Variants in DLG2 observed in about 807,000 individuals in gnomAD.
DLG2 encodes discs large MAGUK scaffold protein 2, also known as disks large homolog 2.
DLG2 carries 45 observed loss-of-function variants against 132.5 expected under a neutral mutation model. That is an observed-to-expected ratio of 0.34 (90% CI 0.27 to 0.44). DLG2 has a LOEUF of 0.44. Among genes scored for constraint, DLG2 ranks in the 20% least tolerant of loss-of-function variants. DLG2 has a pLI of 1.00. For synonymous variants in DLG2, 424 were observed against 419.6 expected (o/e 1.01, Z -0.13); for missense variants, 1,045 against 1,196.9 (o/e 0.87, Z 1.87).
intron 16 of DLG2, among the ~76,000 whole-genome samples, chr11:83,838,729 G>A (rs972106107): frequency 6.6e-6 from 1 of 152,020 alleles, no homozygotes; most frequent in African/African-American, 2.4e-5. Context: ...TTCTTTAGAA[G>A]GGTCATTCAT....
At position 83,849,303 on chromosome 11, in the gene DLG2, A is replaced by G. The variant is rs1565329162; in HGVS notation, c.1566-15533T>C. 9.5e-5 allele frequency among the ~76,000 whole-genome samples: 12 copies of G among 125,934 alleles called. No homozygotes were observed. The Admixed American group carries it at 9.8e-4, about 10-fold the overall frequency. The allele number at this position is 125,934 out of a possible 152,430, so 82.6% of individuals were successfully genotyped here. A position where few individuals can be genotyped will look rare whatever the true frequency, so the allele number is the denominator to read the frequency against. On this transcript the variant is annotated intron_variant, in intron 16 of 27. Coordinates refer to ENST00000376104, the MANE Select transcript of DLG2 (RefSeq NM_001142699.3). ...TAATAAATAAGGGAGATAAATAAAT[A>G]TAAATAAATAATATATATAATAAAT...
At chr11:84,204,395 C>T (rs1458190395) in intron 8 of DLG2, among the ~76,000 whole-genome samples, 1 of 152,074 alleles carries the variant, frequency 6.6e-6, no homozygotes, top group East Asian at 1.9e-4. Context: ...TTCATCTAAA[C>T]TGTAATAGGT....
At position 83,833,685 on chromosome 11, in the gene DLG2, C is replaced by G. The variant is rs376761080; in HGVS notation, c.1651G>C (p.Val551Leu). 1 of 1,613,974 alleles carries G rather than the reference C, an allele frequency of 6.2e-7. No homozygotes were observed. Among genetic ancestry groups the G allele is most frequent in the African/African-American group, 1.3e-5 (1 of 74,902 alleles). The change falls in exon 17 of 28, where the codon GTG becomes CTG. Residue 551 changes from valine to leucine, a missense_variant. Around this residue, in one of 4 missense-constraint regions of DLG2, gnomAD observed 398 missense variants for 543.6 expected, o/e 0.73. Coordinates refer to ENST00000376104, the MANE Select transcript of DLG2 (RefSeq NM_001142699.3). Reference protein sequence around the residue: ...VGGEDGEGIFVSFILAGGPAD... With the variant: ...VGGEDGEGIFLSFILAGGPAD... ...GGTCCACCAGCCAGAATGAAGGACA[C>G]AAAAATACCTTCTCCATCTTCCCCA... is the stretch of plus-strand genomic sequence containing the variant.
At chr11:85,319,351 G>A (rs2080896411) in intron 3 of DLG2, among the ~76,000 whole-genome samples, 2 of 151,678 alleles carry the variant, frequency 1.3e-5, no homozygotes. Context: ...TAGTAATCTT[G>A]GAGAGTAGTT....
rs1174663390 is a variant in DLG2 at position 85,567,426 on chromosome 11, TGAACAATTTTG to T, written c.40+31220_40+31230del. Among the ~76,000 whole-genome samples, 5 of 152,216 alleles carry T rather than the reference TGAACAATTTTG, an allele frequency of 3.3e-5. No individual in the cohort carries two copies. The East Asian group carries it at 9.6e-4, about 29-fold the overall frequency. On this transcript the variant is annotated intron_variant, in intron 3 of 27. Transcript: ENST00000376104. ...GTATTCTTTTTGATGCTATTGTAAA[TGAACAATTTTG>T]GATTGCTCATGACTGATGTAAAACT... is the stretch of plus-strand genomic sequence containing the variant.
At chr11:83,896,145 T>C (rs1035947245) in intron 15 of DLG2, among the ~76,000 whole-genome samples, 3 of 152,198 alleles carry the variant, frequency 2.0e-5, no homozygotes, top group Non-Finnish European at 4.4e-5. Context: ...ATATAAATAA[T>C]GGAAGAATCC....
chr11:83,573,927 C>T (rs560818302), intron 19 of DLG2, among the ~76,000 whole-genome samples: 25 of 152,204 alleles, frequency 1.6e-4, no homozygotes, highest in Middle Eastern at 3.4e-3. Flanking sequence ...TGAATTCTAG[C>T]TTTCTTCTGT....
intron 9 of DLG2, among the ~76,000 whole-genome samples, chr11:84,106,853 G>A (rs2092964429): frequency 8.9e-6 from 1 of 112,804 alleles, no homozygotes; most frequent in South Asian, 3.4e-4. Context: ...TTGAGTGAGT[G>A]TGTGTGTGTA....
intron 18 of DLG2, chr11:83,693,938 T>TAA (rs1340647901): frequency 6.6e-6 from 1 of 152,166 alleles, no homozygotes; most frequent in Non-Finnish European, 1.5e-5. Flanking sequence ...AGGAGTGCTG[T>TAA]AAAACCCAAA....
At chr11:84,617,821 T>C (rs940819739) in intron 6 of DLG2, among the ~76,000 whole-genome samples, 2 of 152,142 alleles carry the variant, frequency 1.3e-5, no homozygotes, top group East Asian at 1.9e-4. Flanking sequence ...CTAATTCATA[T>C]GGTCACCCTA....
At chr11:83,969,177 C>G (rs915799547) in intron 12 of DLG2, among the ~76,000 whole-genome samples, 2 of 152,084 alleles carry the variant, frequency 1.3e-5, no homozygotes, top group Admixed American at 1.3e-4. Context: ...CACACTGCCT[C>G]CAATTGTCAA....
chr11:85,088,981 A>C (rs2068348893), intron 6 of DLG2, among the ~76,000 whole-genome samples: 1 of 152,212 alleles, frequency 6.6e-6, no homozygotes, highest in African/African-American at 2.4e-5. Flanking sequence ...ATAGTAGACA[A>C]TCACAAGAAA....
chr11:85,120,320 A>G (rs1028050250), intron 5 of DLG2, among the ~76,000 whole-genome samples: 7 of 152,184 alleles, frequency 4.6e-5, no homozygotes, highest in African/African-American at 1.7e-4. Context: ...TAGCAATTAG[A>G]TATGTTCTCA....
chr11:83,707,669 TCAA>T (rs1050319783), intron 18 of DLG2, among the ~76,000 whole-genome samples: 3 of 152,166 alleles, frequency 2.0e-5, no homozygotes, highest in Non-Finnish European at 4.4e-5. Flanking sequence ...AGACTCGGTC[TCAA>T]CAACAACAAT....
intron 3 of DLG2, among the ~76,000 whole-genome samples, chr11:85,406,335 A>G (rs1428138096): frequency 6.6e-6 from 1 of 151,986 alleles, no homozygotes; most frequent in Non-Finnish European, 1.5e-5. Flanking sequence ...CTGAGAAAAG[A>G]GAGTCAAGCT....
rs58690357 is a variant in DLG2, at chr11:85,422,537, AT to A, written c.41-137173del. Among the ~76,000 whole-genome samples, 456 of 145,064 alleles carry A rather than the reference AT, an allele frequency of 3.1e-3. 2 individuals are homozygous for A. Among genetic ancestry groups the A allele is most frequent in the African/African-American group, 0.011 (438 of 39,524 alleles). On this transcript the variant is annotated intron_variant, in intron 3 of 27. Transcript: ENST00000376104. ...GTGTCCATTGTTTCCTGAAGTTTTTATTTTTTTTGGTGGGGGGGATTTGTCG... is the reference window on the plus strand; with the variant it reads ...GTGTCCATTGTTTCCTGAAGTTTTTATTTTTTTGGTGGGGGGGATTTGTCG...
At chr11:84,334,189 C>G (rs1468320901) in intron 7 of DLG2, among the ~76,000 whole-genome samples, 1 of 152,176 alleles carries the variant, frequency 6.6e-6, no homozygotes, top group African/African-American at 2.4e-5. Flanking sequence ...GTTTCAGTCT[C>G]CTGCAATCAA....
At chr11:85,338,804 A>C (rs2082297549) in intron 3 of DLG2, among the ~76,000 whole-genome samples, 1 of 142,548 alleles carries the variant, frequency 7.0e-6, no homozygotes, top group Non-Finnish European at 1.5e-5. Flanking sequence ...TCCCGGGTTC[A>C]CTCCATTCTC....
At chr11:83,803,284 T>C (rs1169402425) in intron 17 of DLG2, among the ~76,000 whole-genome samples, 1 of 152,126 alleles carries the variant, frequency 6.6e-6, no homozygotes, top group African/African-American at 2.4e-5. Flanking sequence ...CAACTGGGTA[T>C]GAAAAGGTGT....
Sources: allele counts gnomAD v4.1 joint callset (sites outside exome capture counted in the v4.1 genomes callset), GRCh38; gene constraint gnomAD v4.1.1; regional missense constraint gnomAD v4.1.1; transcripts MANE v1.5; gene names NCBI Gene and HGNC (gene_info 2026-07-23, HGNC 2026-07-21).